LOC400499: variants seen among roughly 807,000 people sequenced by gnomAD.
chr16:11,375,092 C>T, the LOC400499 span, among the ~76,000 whole-genome samples: 1 of 151,490 alleles, frequency 6.6e-6, no homozygotes, highest in African/African-American at 2.4e-5. Flanking sequence ...AAGTGATTCG[C>T]CCACCCCAGC....
the LOC400499 span, among the ~76,000 whole-genome samples, chr16:11,463,345 T>C: frequency 1.3e-5 from 2 of 149,776 alleles, no homozygotes; most frequent in East Asian, 3.9e-4. Context: ...CACTACTTAA[T>C]GCTCTCTGTC....
the LOC400499 span, chr16:11,372,466 T>G: frequency 6.6e-6 from 1 of 152,240 alleles, no homozygotes; most frequent in Non-Finnish European, 1.5e-5. Flanking sequence ...GGCCGCACTG[T>G]CTCCTGGTTT....
chr16:11,403,462 C>T, the LOC400499 span, among the ~76,000 whole-genome samples: 2 of 145,910 alleles, frequency 1.4e-5, no homozygotes, highest in Non-Finnish European at 2.9e-5. Context: ...CACATGCACA[C>T]ATACACACAT....
the LOC400499 span, among the ~76,000 whole-genome samples, chr16:11,506,317 G>T: frequency 6.6e-6 from 1 of 152,192 alleles, no homozygotes; most frequent in Non-Finnish European, 1.5e-5. Context: ...GAGCCACTGA[G>T]CCTGGCCACA....
the LOC400499 span, chr16:11,412,795 C>A: frequency 5.0e-6 from 2 of 398,766 alleles, no homozygotes; most frequent in South Asian, 2.6e-4. Context: ...GGTACCCAGT[C>A]AATGGTTCCT....
At chr16:11,506,651 G>C in the LOC400499 span, among the ~76,000 whole-genome samples, 1 of 152,126 alleles carries the variant, frequency 6.6e-6, no homozygotes, top group South Asian at 2.1e-4. Flanking sequence ...GGACGCCCTT[G>C]GCCATCCCAC....
the LOC400499 span, among the ~76,000 whole-genome samples, chr16:11,381,471 A>G: frequency 0.66 from 99,769 of 152,038 alleles, 33,710 homozygotes; most frequent in African/African-American, 0.76. Flanking sequence ...GGTCTGATAG[A>G]TGGTTTGTAA....
At chr16:11,400,642 T>C in the LOC400499 span, among the ~76,000 whole-genome samples, 15 of 152,264 alleles carry the variant, frequency 9.9e-5, no homozygotes, top group East Asian at 2.3e-3. Context: ...GATTTCGCCA[T>C]GTTGGCCAGG....
At chr16:11,396,775 C>A in the LOC400499 span, 36 of 957,382 alleles carry the variant, frequency 3.8e-5, no homozygotes, top group Non-Finnish European at 4.9e-5. Flanking sequence ...TGCCACCTCC[C>A]AGCCTCCACA....
At chr16:11,373,827 T>C in the LOC400499 span, among the ~76,000 whole-genome samples, 3 of 150,990 alleles carry the variant, frequency 2.0e-5, no homozygotes, top group African/African-American at 7.3e-5. Flanking sequence ...ACCATGTTGG[T>C]CATGCTGGTC....
the LOC400499 span, among the ~76,000 whole-genome samples, chr16:11,391,228 G>A: frequency 6.6e-6 from 1 of 152,372 alleles, no homozygotes; most frequent in African/African-American, 2.4e-5. Flanking sequence ...AGCCCTGGAT[G>A]GCGGAGAGGC....
chr16:11,512,940 C>A, the LOC400499 span, among the ~76,000 whole-genome samples: 1 of 152,140 alleles, frequency 6.6e-6, no homozygotes, highest in Non-Finnish European at 1.5e-5. Context: ...CTAGTGGGTT[C>A]TCCCCCAGGG....
chr16:11,471,750 C>T, the LOC400499 span: 1 of 399,276 alleles, frequency 2.5e-6, no homozygotes. Context: ...GCAATGAGAG[C>T]AGGTAGGGCT....
chr16:11,449,488 G>C, the LOC400499 span, among the ~76,000 whole-genome samples: 1 of 152,168 alleles, frequency 6.6e-6, no homozygotes, highest in South Asian at 2.1e-4. Context: ...GGAGTCCTAG[G>C]AAGAGGTGGG....
the LOC400499 span, chr16:11,383,961 G>A: frequency 4.1e-6 from 5 of 1,231,892 alleles, no homozygotes; most frequent in Non-Finnish European, 5.1e-6. Context: ...GTCCCGGGCA[G>A]GCCTGCTCCT....
chr16:11,459,016 G>A, the LOC400499 span, among the ~76,000 whole-genome samples: 2 of 151,238 alleles, frequency 1.3e-5, no homozygotes, highest in African/African-American at 2.4e-5. Context: ...CAGCCTGGGC[G>A]ACAGAGCGAG....
the LOC400499 span, among the ~76,000 whole-genome samples, chr16:11,450,224 G>A: frequency 6.6e-6 from 1 of 152,258 alleles, no homozygotes; most frequent in Admixed American, 6.5e-5. Context: ...TGCACCAAAC[G>A]TGTGCAGAGA....
chr16:11,407,186 T>A, the LOC400499 span: 2 of 398,936 alleles, frequency 5.0e-6, no homozygotes, highest in Non-Finnish European at 8.8e-6. Context: ...GGCCCTGGGC[T>A]GACCTCCACA....
At chr16:11,382,507 A>G in the LOC400499 span, among the ~76,000 whole-genome samples, 2 of 152,238 alleles carry the variant, frequency 1.3e-5, no homozygotes, top group African/African-American at 4.8e-5. Context: ...AGCTGGTGTT[A>G]GAACTGAATT....
Sources: gnomAD v4.1 joint callset for allele counts (sites outside exome capture counted in the v4.1 genomes callset) on GRCh38, gnomAD v4.1.1 for gene constraint, MANE v1.5 for transcripts.